The following ARSB variants were observed in gnomAD, a reference collection of about 807,000 sequenced individuals.
ARSB encodes arylsulfatase B, also known as N-acetylgalactosamine-4-sulfatase.
In ARSB, 41 loss-of-function variants were observed where a neutral mutation model predicts 50.9. The ratio of observed to expected loss-of-function variants is 0.81; its 90% CI spans 0.63 to 1.04. The LOEUF is 1.04. ARSB is among the 50% of genes least tolerant of loss of function. The pLI, the probability that ARSB is intolerant of heterozygous loss-of-function variation, is 0.00. For synonymous variants in ARSB, 269 were observed against 284.8 expected (o/e 0.94, Z 0.56); for missense variants, 672 against 693.3 (o/e 0.97, Z 0.35).
At chr5:78,942,197 C>A (rs1035881552) in intron 4 of ARSB, among the ~76,000 whole-genome samples, 15 of 152,100 alleles carry the variant, frequency 9.9e-5, no homozygotes, top group Middle Eastern at 3.4e-3. Context: ...GTCTTGCTAG[C>A]GGTCTATCAA....
intron 4 of ARSB, among the ~76,000 whole-genome samples, chr5:78,937,462 AATATATATATTCATTAATTATAAACTC>A (rs1169796546): frequency 6.9e-6 from 1 of 145,274 alleles, no homozygotes; most frequent in East Asian, 2.0e-4. Flanking sequence ...ATATATAATG[AATATATATATTCATTAATTATAAACTC>A]ATAGAAAGGC....
chr5:78,906,833 G>T (rs1749088890), intron 4 of ARSB, among the ~76,000 whole-genome samples: 1 of 152,148 alleles, frequency 6.6e-6, no homozygotes, highest in South Asian at 2.1e-4. Flanking sequence ...AATGAGAATG[G>T]GCTAAGGGAA....
At chr5:78,979,104 C>G (rs1561538949) in intron 1 of ARSB, among the ~76,000 whole-genome samples, 1 of 151,610 alleles carries the variant, frequency 6.6e-6, no homozygotes, top group Non-Finnish European at 1.5e-5. Flanking sequence ...TAATAGTATC[C>G]AGAATACATA....
intron 6 of ARSB, among the ~76,000 whole-genome samples, chr5:78,819,033 A>G (rs1484772558): frequency 6.6e-6 from 1 of 152,150 alleles, no homozygotes; most frequent in African/African-American, 2.4e-5. Flanking sequence ...GAAGGAGTTT[A>G]ATTTCTGCAT....
At chr5:78,896,739 A>C (rs1748582053) in intron 4 of ARSB, among the ~76,000 whole-genome samples, 1 of 152,234 alleles carries the variant, frequency 6.6e-6, no homozygotes, top group Non-Finnish European at 1.5e-5. Context: ...TGAAATCAGA[A>C]GAAAGTTTGT....
At chr5:78,910,924 T>C (rs1749280037) in intron 4 of ARSB, among the ~76,000 whole-genome samples, 1 of 152,162 alleles carries the variant, frequency 6.6e-6, no homozygotes, top group Non-Finnish European at 1.5e-5. Flanking sequence ...CCTGGGACCA[T>C]ACTTAGAGAA....
Position 78,814,933 on chromosome 5 carries a change from G to T in ARSB, c.1213+24423C>A, listed in dbSNP as rs1008961278. ...AGGATTGAGGACCCCTGTATACAAGGACTAAGAGAGTGCTATGAATAGAAT... is the reference window on the plus strand; with the variant it reads ...AGGATTGAGGACCCCTGTATACAAGTACTAAGAGAGTGCTATGAATAGAAT... On this transcript the variant is annotated intron_variant, in intron 6 of 7. Coordinates refer to ENST00000264914, the MANE Select transcript of ARSB (RefSeq NM_000046.5). Among the ~76,000 whole-genome samples the T allele has an allele frequency of 3.3e-5, 5 of 150,448 alleles. 1 individual carries two copies. The highest frequency in any genetic ancestry group is 1.2e-4 in the African/African-American group (5 of 40,530).
chr5:78,850,479 T>A (rs553300593), intron 5 of ARSB, among the ~76,000 whole-genome samples: 227 of 151,800 alleles, frequency 1.5e-3, no homozygotes, highest in Admixed American at 4.6e-3. Context: ...TATTGAGGAT[T>A]TTTGCATCAA....
At chr5:78,873,791 G>A (rs575120377) in intron 5 of ARSB, among the ~76,000 whole-genome samples, 17 of 152,124 alleles carry the variant, frequency 1.1e-4, no homozygotes, top group Admixed American at 2.6e-4. Flanking sequence ...CACCGCACCC[G>A]GCCTAAAACT....
intron 6 of ARSB, among the ~76,000 whole-genome samples, chr5:78,796,875 ATC>A (rs1209956080): frequency 8.9e-6 from 1 of 112,254 alleles, no homozygotes; most frequent in Non-Finnish European, 1.7e-5. Context: ...GATGGTCTCG[ATC>A]TCTTTTTTTT....
chr5:78,893,835 G>A (rs561665218), intron 4 of ARSB, among the ~76,000 whole-genome samples: 10 of 152,282 alleles, frequency 6.6e-5, no homozygotes, highest in South Asian at 4.2e-4. Flanking sequence ...TGTATTAAGC[G>A]AGTAAAAGTA....
At chr5:78,863,983 A>G (rs1342125411) in intron 5 of ARSB, among the ~76,000 whole-genome samples, 1 of 151,876 alleles carries the variant, frequency 6.6e-6, no homozygotes, top group Non-Finnish European at 1.5e-5. Context: ...CATTCTCTTT[A>G]AAAACCATAT....
chr5:78,809,741 G>A (rs576672868), intron 6 of ARSB, among the ~76,000 whole-genome samples: 31 of 152,246 alleles, frequency 2.0e-4, no homozygotes, highest in Non-Finnish European at 4.3e-4. Context: ...TGAAAATCAC[G>A]TCCTGGCAAC....
At chr5:78,780,804 A>G (rs957437760) in intron 7 of ARSB, 142 bp from the exon 8 acceptor site, 2 of 1,012,958 alleles carry the variant, frequency 2.0e-6, no homozygotes, top group African/African-American at 1.6e-5. Context: ...CTGTCTCTAG[A>G]TGCTTCTCAG....
At chr5:78,961,689 T>G (rs950186360) in intron 3 of ARSB, among the ~76,000 whole-genome samples, 6 of 152,154 alleles carry the variant, frequency 3.9e-5, no homozygotes, top group Non-Finnish European at 8.8e-5. Context: ...GGAATGAATT[T>G]GTATTGTGGG....
Position 78,985,052 on chromosome 5 carries a change from C to A in ARSB, c.197G>T (p.Arg66Leu), listed in dbSNP as rs754166100. The change falls in exon 1 of 8, where the codon CGC becomes CTC. Residue 66 changes from arginine (R) to leucine (L), a missense_variant. Arg to Leu is a moderately radical substitution (Grantham distance 102). Coordinates refer to ENST00000264914, the MANE Select transcript of ARSB (RefSeq NM_000046.5). ...GWNDVGFHGS[R>L]IRTPHLDALA... is the part of the protein sequence containing the mutation. ...CGCGTCCAGGTGCGGCGTGCGGATGCGGGAGCCGTGGAAGCCGACGTCGTT... is the reference window on the plus strand; with the variant it reads ...CGCGTCCAGGTGCGGCGTGCGGATGAGGGAGCCGTGGAAGCCGACGTCGTT... The A allele has an allele frequency of 3.3e-5, 51 of 1,540,536 alleles. No individual in the cohort carries two copies. Among genetic ancestry groups the A allele is most frequent in the Non-Finnish European group, 4.4e-5 (50 of 1,145,486 alleles).
At chr5:78,865,857 C>A (rs1446517962) in intron 5 of ARSB, among the ~76,000 whole-genome samples, 1 of 152,230 alleles carries the variant, frequency 6.6e-6, no homozygotes, top group Non-Finnish European at 1.5e-5. Flanking sequence ...GCAAGAGTCA[C>A]CTTTGCTCCA....
At chr5:78,911,451 G>A (rs1458290704) in intron 4 of ARSB, among the ~76,000 whole-genome samples, 6 of 151,696 alleles carry the variant, frequency 4.0e-5, no homozygotes, top group Non-Finnish European at 8.8e-5. Context: ...GTGCACGCCT[G>A]TAATTCCAGC....
Position 78,923,409 on chromosome 5 carries a change from C to T in ARSB, c.898+31886G>A, listed in dbSNP as rs898172239. Reference sequence around the variant, plus strand: ...TGTGATTGCCCCTGTGAGAAACTCACGAAAGCCTGCTCTGACCTGGTCACC... The same window carrying T: ...TGTGATTGCCCCTGTGAGAAACTCATGAAAGCCTGCTCTGACCTGGTCACC... On this transcript the variant is annotated intron_variant, in intron 4 of 7. Coordinates refer to ENST00000264914, the MANE Select transcript of ARSB (RefSeq NM_000046.5). Among the ~76,000 whole-genome samples, 12 of 152,334 alleles carry T rather than the reference C, an allele frequency of 7.9e-5. No homozygotes were observed. The East Asian group carries it at 9.6e-4, about 12-fold the overall frequency.
Sources: allele counts gnomAD v4.1 joint callset (sites outside exome capture counted in the v4.1 genomes callset), GRCh38; gene constraint gnomAD v4.1.1; transcripts MANE v1.5; gene names NCBI Gene and HGNC (gene_info 2026-07-23, HGNC 2026-07-21).